Variants in MYO9B observed in about 807,000 individuals in gnomAD.
The protein encoded by MYO9B is unconventional myosin-IXb.
In MYO9B, 71 loss-of-function variants were observed where a neutral mutation model predicts 229.5. That is an observed-to-expected ratio of 0.31 (90% CI 0.26 to 0.38). The LOEUF (loss-of-function observed/expected upper bound fraction) is 0.38, where lower values mean the gene tolerates loss of function less well. Ranked by LOEUF, MYO9B falls within the 10% of genes least tolerant of loss-of-function variation. MYO9B has a pLI of 1.00. For synonymous variants in MYO9B, 1,185 were observed against 1,235.8 expected (o/e 0.96, Z 0.86); for missense variants, 2,255 against 2,920.5 (o/e 0.77, Z 5.25).
At chr19:17,186,050 T>C in intron 18 of MYO9B, 49 bp downstream of exon 18, 3 of 1,553,680 alleles carry the variant, frequency 1.9e-6, no homozygotes, top group Non-Finnish European at 2.7e-6. Flanking sequence ...GCCGGACTCT[T>C]AGGGGTGTCG....
At chr19:17,106,100 G>T (rs908542611) in intron 2 of MYO9B, among the ~76,000 whole-genome samples, 1 of 151,718 alleles carries the variant, frequency 6.6e-6, no homozygotes, top group African/African-American at 2.4e-5. Flanking sequence ...GAACTTCTGG[G>T]CTCAAGCGAT....
chr19:17,184,092 T>C, intron 16 of MYO9B: 1 of 570,994 alleles, frequency 1.8e-6, no homozygotes, highest in Non-Finnish European at 3.1e-6. Flanking sequence ...ACACAGCGGC[T>C]TATGGAAGAG....
intron 2 of MYO9B, among the ~76,000 whole-genome samples, chr19:17,135,945 C>T (rs1271872456): frequency 7.2e-5 from 11 of 152,098 alleles, no homozygotes; most frequent in Admixed American, 5.2e-4. Context: ...CACCAAGGTA[C>T]TACGGGGACC....
At chr19:17,201,895 G>T (rs2073109978) in intron 26 of MYO9B, 31 bp from the exon 27 acceptor site, 1 of 1,568,504 alleles carries the variant, frequency 6.4e-7, no homozygotes, top group Non-Finnish European at 8.7e-7. Flanking sequence ...CAGGCCTGAG[G>T]CACGCAGGGT....
rs750057764 is a variant in MYO9B at position 17,193,106 on chromosome 19, A to G, written c.3128+44A>G. The G allele has an allele frequency of 6.3e-6, 9 of 1,417,856 alleles. No homozygotes were observed. In the African/African-American group the frequency reaches 7.2e-5, roughly 11 times the overall value. The allele number at this position is 1,417,856 out of a possible 1,614,324, so 87.8% of individuals were successfully genotyped here. A position where few individuals can be genotyped will look rare whatever the true frequency, so the allele number is the denominator to read the frequency against. ...CGCTCCTCGGAATATTCCAGAAGCCAAAAAGGTCACTCACCAAATTGCTGC... is the reference window on the plus strand; with the variant it reads ...CGCTCCTCGGAATATTCCAGAAGCCGAAAAGGTCACTCACCAAATTGCTGC... On this transcript the variant is annotated intron_variant, in intron 21 of 39. Transcript: ENST00000682292. This position sits in a 1 kb window ranked among gnomAD's most constrained non-coding sequence, Gnocchi z 4.3.
chr19:17,098,886 T>C (rs1377219288), intron 1 of MYO9B, among the ~76,000 whole-genome samples: 1 of 141,060 alleles, frequency 7.1e-6, no homozygotes, highest in Non-Finnish European at 1.5e-5. Flanking sequence ...CAGTGAGCCG[T>C]GATCATGCCA....
intron 1 of MYO9B, among the ~76,000 whole-genome samples, chr19:17,097,855 A>G (rs143157869): frequency 2.0e-5 from 3 of 152,262 alleles, no homozygotes; most frequent in Non-Finnish European, 4.4e-5. Flanking sequence ...CCAGGCTGTA[A>G]TATTACAGTC....
chr19:17,190,103 G>T (rs917038681), intron 19 of MYO9B, among the ~76,000 whole-genome samples: 4 of 151,212 alleles, frequency 2.6e-5, no homozygotes, highest in Non-Finnish European at 5.9e-5. Context: ...TGTTGACCTG[G>T]CATGGTGGCT....
chr19:17,186,084 C>T, intron 18 of MYO9B, 83 bp downstream of exon 18: 1 of 1,264,256 alleles, frequency 7.9e-7, no homozygotes, highest in South Asian at 1.2e-5. Context: ...CAGCCCCAGC[C>T]TCCACGCAGT....
Position 17,172,619 on chromosome 19 carries a change from C to A in MYO9B, c.1936-140C>A. 2 of 1,446,858 alleles carry A rather than the reference C, an allele frequency of 1.4e-6. No individual in the cohort carries two copies. Among genetic ancestry groups the A allele is most frequent in the Non-Finnish European group, 9.4e-7 (1 of 1,059,134 alleles). The allele number at this position is 1,446,858 out of a possible 1,614,324, so 89.6% of individuals were successfully genotyped here. On this transcript the variant is annotated intron_variant, in intron 12 of 39. Coordinates refer to ENST00000682292, the MANE Select transcript of MYO9B (RefSeq NM_004145.4). The surrounding 1 kb of genome is among the most constrained non-coding windows in gnomAD (Gnocchi z 8.2). ...GAATCCCCGGCTCCAATGTCCAAGG[C>A]GCCATAGTTCAAGAACTGCCATTTG...
At chr19:17,156,103 G>T (rs938696275) in intron 6 of MYO9B, among the ~76,000 whole-genome samples, 1 of 151,850 alleles carries the variant, frequency 6.6e-6, no homozygotes, top group African/African-American at 2.4e-5. Flanking sequence ...CCAGACACAA[G>T]TACCATCCCA....
At chr19:17,143,237 C>CAAA (rs60367856) in intron 2 of MYO9B, among the ~76,000 whole-genome samples, 7 of 148,960 alleles carry the variant, frequency 4.7e-5, no homozygotes, top group Admixed American at 1.3e-4. Context: ...GACTCTGTTT[C>CAAA]AAAAAAAAAA....
At position 17,211,607 on chromosome 19, in the gene MYO9B, G is replaced by A. The variant is rs758286571; in HGVS notation, c.5931-40G>A. ...TGTTCCACACTGGCCCAGCACTTCC[G>A]GTGGGGTGGCCTTGGACACCACTAC... On this transcript the variant is annotated intron_variant, in intron 38 of 39. Transcript: ENST00000682292. 3.0e-5 allele frequency: 47 copies of A among 1,543,938 alleles called. 1 individual carries two copies. In the South Asian group the frequency reaches 3.9e-4, roughly 13 times the overall value.
At chr19:17,116,016 T>G (rs2057899725) in intron 2 of MYO9B, among the ~76,000 whole-genome samples, 1 of 88,072 alleles carries the variant, frequency 1.1e-5, no homozygotes, top group South Asian at 4.6e-4. Context: ...TAACTCACTC[T>G]GTCTCTCTGC....
rs1250330095 is a variant in MYO9B at position 17,162,430 on chromosome 19, A to G, written c.1500A>G (p.Ala500=). 2.5e-6 allele frequency: 4 copies of G among 1,579,304 alleles called. No individual in the cohort carries two copies. In the African/African-American group the frequency reaches 4.1e-5, roughly 16 times the overall value. Residue 500 remains alanine (A), a synonymous_variant, in exon 9 of 40, where the codon GCA becomes GCG. Coordinates refer to ENST00000682292, the MANE Select transcript of MYO9B (RefSeq NM_004145.4). ...FDWIVLRINH[A]LLNKKDVEEA... Reference sequence around the variant, plus strand: ...GGATTGTGCTGCGGATCAACCACGCACTCCTCAACAAGAAGGACGTGGAAG... The same window carrying G: ...GGATTGTGCTGCGGATCAACCACGCGCTCCTCAACAAGAAGGACGTGGAAG...
At chr19:17,143,687 C>CT (rs2072370254) in intron 2 of MYO9B, among the ~76,000 whole-genome samples, 3 of 143,034 alleles carry the variant, frequency 2.1e-5, no homozygotes, top group Non-Finnish European at 4.5e-5. Flanking sequence ...CTTTGAGAGG[C>CT]CGGGGCGGGC....
In MYO9B at chr19:17,155,219, G is replaced by A. The variant is rs920308322; in HGVS notation, c.1199+804G>A. Among the ~76,000 whole-genome samples, 9 of 151,620 alleles carry A rather than the reference G, an allele frequency of 5.9e-5. 1 individual carries two copies. The highest frequency in any genetic ancestry group is 3.3e-4 in the Admixed American group (5 of 15,192). ...TATTTTTTTTTTTAGATGGGGTCTCGCTCTTTCACCTAAGCTGGAGTGAAG... is the reference window on the plus strand; with the variant it reads ...TATTTTTTTTTTTAGATGGGGTCTCACTCTTTCACCTAAGCTGGAGTGAAG... On this transcript the variant is annotated intron_variant, in intron 6 of 39. Transcript: ENST00000682292.
At chr19:17,208,115 G>A (rs1034210828) in intron 35 of MYO9B, 2 of 151,728 alleles carry the variant, frequency 1.3e-5, no homozygotes, top group Non-Finnish European at 2.9e-5. Flanking sequence ...TCGCACCACT[G>A]CACTCCAGCT....
At position 17,207,241 on chromosome 19, in the gene MYO9B, C is replaced by G; in HGVS notation, c.5621C>G (p.Thr1874Ser). 1 of 1,594,762 alleles carries G rather than the reference C, an allele frequency of 6.3e-7. No homozygotes were observed. Among genetic ancestry groups the G allele is most frequent in the Non-Finnish European group, 8.5e-7 (1 of 1,172,008 alleles). Residue 1874 changes from threonine (T) to serine (S), a missense_variant, in exon 35 of 40, where the codon ACC becomes AGC. Around this residue, in one of 7 missense-constraint regions of MYO9B, gnomAD observed 416 missense variants for 605.5 expected, o/e 0.69. Transcript: ENST00000682292. ...LTSMKDVLKITTCVEMLIKEQ... is the reference protein window; with the variant it reads ...LTSMKDVLKISTCVEMLIKEQ... ...AGCATGAAGGACGTCCTCAAGATCA[C>G]CACGTGAGTGCCCACCCTGCCCCGG...
Sources: gnomAD v4.1 joint callset for allele counts (sites outside exome capture counted in the v4.1 genomes callset) on GRCh38, gnomAD v4.1.1 for gene constraint, gnomAD v4.1.1 regional missense constraint, Gnocchi (gnomAD v3.1) non-coding constraint, MANE v1.5 for transcripts, NCBI Gene and HGNC (gene_info 2026-07-23, HGNC 2026-07-21) for gene names.